Variants in MGST2 observed in about 807,000 individuals in gnomAD.
The protein encoded by MGST2 is glutathione peroxidase MGST2.
Under a neutral mutation model 16.6 loss-of-function variants are expected in MGST2, and 9 were observed. That is an observed-to-expected ratio of 0.54 (90% CI 0.33 to 0.95). The LOEUF (loss-of-function observed/expected upper bound fraction) is 0.95. MGST2 is among the 40% of genes least tolerant of loss of function. The probability of loss-of-function intolerance (pLI) is 0.03; values close to 1 mark genes in which losing one functional copy is unlikely to be tolerated. For synonymous variants in MGST2, 79 were observed against 68.0 expected (o/e 1.16, Z -0.79); for missense variants, 159 against 175.1 (o/e 0.91, Z 0.52).
intron 3 of MGST2, among the ~76,000 whole-genome samples, chr4:139,699,582 TTA>T (rs1392736479): frequency 6.6e-6 from 1 of 152,340 alleles, no homozygotes; most frequent in East Asian, 1.9e-4. Context: ...TCCAATATAT[TTA>T]TGTTTATTTT....
At chr4:139,730,355 G>A in intron 5 of MGST2, 11 of 1,436,420 alleles carry the variant, frequency 7.7e-6, no homozygotes, top group Non-Finnish European at 8.6e-6. Flanking sequence ...ACAGGCAGCA[G>A]GCAGGTGCTG....
chr4:139,703,649 T>G, intron 4 of MGST2, 113 bp downstream of exon 4: 1 of 966,370 alleles, frequency 1.0e-6, no homozygotes, highest in South Asian at 1.3e-5. Context: ...GTGGCAAAAG[T>G]AATCCATACT....
At chr4:139,741,726 G>A (rs1431066942), downstream of MGST2, among the ~76,000 whole-genome samples, 1 of 152,216 alleles carries the variant, frequency 6.6e-6, no homozygotes, top group Non-Finnish European at 1.5e-5. Context: ...CAGCTTGGGT[G>A]ACAGAGTGAG....
chr4:139,735,296 G>A lies in MGST2; in HGVS notation c.*49-4916G>A, dbSNP rs1728889266. Among the ~76,000 whole-genome samples the A allele has an allele frequency of 6.6e-6, 1 of 152,236 alleles. No individual in the cohort carries two copies. Among genetic ancestry groups the A allele is most frequent in the African/African-American group, 2.4e-5 (1 of 41,456 alleles). On this transcript the variant is annotated intron_variant, in intron 5 of 5. Coordinates refer to the MGST2 transcript ENST00000616265. The surrounding 1 kb of genome is among the most constrained non-coding windows in gnomAD (Gnocchi z 5.8). ...AAATGAGTTCTCTCTCCATTGCCGT[G>A]TATCTCTGGGGTTATCTGCCCCCCT...
chr4:139,707,055 TTTA>T (rs895114609), downstream of MGST2, among the ~76,000 whole-genome samples: 26 of 152,168 alleles, frequency 1.7e-4, no homozygotes, highest in East Asian at 2.7e-3. Context: ...TTATTTTTAT[TTTA>T]TTATTATTAT....
At chr4:139,692,260 C>T (rs1288489935) in intron 2 of MGST2, among the ~76,000 whole-genome samples, 4 of 152,218 alleles carry the variant, frequency 2.6e-5, no homozygotes, top group South Asian at 4.1e-4. Context: ...TGAGCACAAA[C>T]GCAGCTGCAA....
downstream of MGST2, among the ~76,000 whole-genome samples, chr4:139,707,812 AT>A (rs1486512712): frequency 1.3e-5 from 2 of 152,008 alleles, no homozygotes; most frequent in African/African-American, 2.4e-5. Context: ...GCCAGTGATG[AT>A]GAGCATTTTT....
At chr4:139,721,437 A>T (rs1232555671) in intron 5 of MGST2, among the ~76,000 whole-genome samples, 1 of 152,244 alleles carries the variant, frequency 6.6e-6, no homozygotes. Context: ...AAGAAGGTGC[A>T]GCATGGGAGC....
In MGST2 at chr4:139,730,221, A is replaced by C. The variant is rs540074221; in HGVS notation, c.*49-9991A>C. 117 of 611,008 alleles carry C rather than the reference A, an allele frequency of 1.9e-4. No homozygotes were observed. In the African/African-American group the frequency reaches 2.0e-3, roughly 11 times the overall value. The allele number at this position is 611,008 out of a possible 1,614,324, so 37.8% of individuals were successfully genotyped here. ...GGCTGGAGCCTGTCTTTTAAGAACA[A>C]ATTAATTCATTATAGGAAAAACCCT... is the stretch of plus-strand genomic sequence containing the variant. On this transcript the variant is annotated intron_variant, in intron 5 of 5. Coordinates refer to the MGST2 transcript ENST00000616265.
At chr4:139,706,903 C>G (rs1727539719), downstream of MGST2, among the ~76,000 whole-genome samples, 1 of 152,114 alleles carries the variant, frequency 6.6e-6, no homozygotes, top group African/African-American at 2.4e-5. Flanking sequence ...ATCGGTTTGA[C>G]AATTACATGT....
At chr4:139,710,744 A>G (rs1355679409) in intron 5 of MGST2, among the ~76,000 whole-genome samples, 1 of 152,148 alleles carries the variant, frequency 6.6e-6, no homozygotes, top group Non-Finnish European at 1.5e-5. Context: ...TGTGTATATT[A>G]AAACTTACCT....
At chr4:139,728,587 G>C (rs1170912758) in intron 5 of MGST2, among the ~76,000 whole-genome samples, 2 of 152,222 alleles carry the variant, frequency 1.3e-5, no homozygotes, top group African/African-American at 4.8e-5. Flanking sequence ...CCTGAGGAAA[G>C]TGATCCTCCC....
At chr4:139,714,037 G>A (rs952494606) in intron 5 of MGST2, among the ~76,000 whole-genome samples, 4 of 152,216 alleles carry the variant, frequency 2.6e-5, no homozygotes, top group South Asian at 2.1e-4. Context: ...TGGAGACCAC[G>A]GGAAGGTACC....
chr4:139,730,034 T>C (rs1728637685), intron 5 of MGST2, among the ~76,000 whole-genome samples: 1 of 152,196 alleles, frequency 6.6e-6, no homozygotes. Flanking sequence ...GTTCTCTGAA[T>C]TATTATTTTT....
downstream of MGST2, among the ~76,000 whole-genome samples, chr4:139,708,743 C>T (rs1211625540): frequency 6.6e-6 from 1 of 152,068 alleles, no homozygotes; most frequent in African/African-American, 2.4e-5. Flanking sequence ...TGGCTCACGC[C>T]TGTAATCCCA....
intron 2 of MGST2, among the ~76,000 whole-genome samples, chr4:139,690,973 T>C (rs1198478662): frequency 1.3e-5 from 2 of 152,198 alleles, no homozygotes; most frequent in Non-Finnish European, 1.5e-5. Flanking sequence ...CCAGACTCTT[T>C]CCAGTTCTTC....
intron 5 of MGST2, chr4:139,718,000 G>C (rs72728790): frequency 6.6e-6 from 1 of 152,298 alleles, no homozygotes; most frequent in Non-Finnish European, 1.5e-5. Context: ...GTAAGGTGGA[G>C]CAATTGCTTT....
chr4:139,708,793 A>G (rs1727619036), downstream of MGST2, among the ~76,000 whole-genome samples: 1 of 152,042 alleles, frequency 6.6e-6, no homozygotes, highest in Non-Finnish European at 1.5e-5. Context: ...ACCTGAGGTC[A>G]AGAGTTTGAG....
intron 2 of MGST2, among the ~76,000 whole-genome samples, chr4:139,680,143 T>G (rs1002783189): frequency 1.1e-4 from 17 of 152,236 alleles, no homozygotes; most frequent in African/African-American, 3.9e-4. Context: ...AAGAAATAAT[T>G]TCATGCTCCT....
Sources: allele counts gnomAD v4.1 joint callset (sites outside exome capture counted in the v4.1 genomes callset), GRCh38; gene constraint gnomAD v4.1.1; non-coding constraint Gnocchi (gnomAD v3.1); transcripts MANE v1.5; gene names NCBI Gene and HGNC (gene_info 2026-07-23, HGNC 2026-07-21).